DNAH3: variants seen among roughly 807,000 people sequenced by gnomAD.
The protein encoded by DNAH3 is dynein axonemal heavy chain 3.
DNAH3 carries 332 observed loss-of-function variants against 432.5 expected under a neutral mutation model. That is an observed-to-expected ratio of 0.77 (90% CI 0.70 to 0.84). The LOEUF is 0.84. Ranked by LOEUF, DNAH3 falls within the 40% of genes least tolerant of loss-of-function variation. DNAH3 has a pLI of 0.00. For missense variants in DNAH3, 4,861 were observed against 5,114.0 expected (o/e 0.95, Z 1.51); for synonymous variants, 1,956 against 1,900.2 (o/e 1.03, Z -0.76).
exon 21 of DNAH3, chr16:21,075,467 A>G: frequency 6.2e-7 from 1 of 1,613,970 alleles, no homozygotes; most frequent in Non-Finnish European, 8.5e-7. Flanking sequence ...TATTTCACGA[A>G]GCTGAACGTC....
chr16:20,956,340 T>C (rs1486018471), intron 54 of DNAH3, among the ~76,000 whole-genome samples: 2 of 152,198 alleles, frequency 1.3e-5, no homozygotes, highest in Non-Finnish European at 2.9e-5. Context: ...TAGCTAGTAT[T>C]AAACAGTGAC....
chr16:21,129,787 T>A (rs35841973), intron 7 of DNAH3, among the ~76,000 whole-genome samples: 1 of 73,416 alleles, frequency 1.4e-5, no homozygotes, highest in Non-Finnish European at 3.4e-5. Context: ...ATCCCATTAG[T>A]GGACAGGGGT....
intron 57 of DNAH3, among the ~76,000 whole-genome samples, chr16:20,946,120 C>T (rs1166976319): frequency 6.6e-6 from 1 of 152,186 alleles, no homozygotes; most frequent in African/African-American, 2.4e-5. Context: ...AGACATGCCT[C>T]ATTATGCCCC....
At chr16:21,103,358 G>GGGT (rs2152798149) in intron 16 of DNAH3, among the ~76,000 whole-genome samples, 1 of 150,334 alleles carries the variant, frequency 6.7e-6, no homozygotes, top group East Asian at 2.0e-4. Context: ...TGTGTGTGGG[G>GGGT]GGGGGCAGGG....
At chr16:20,998,867 G>A (rs912920015) in intron 43 of DNAH3, among the ~76,000 whole-genome samples, 40 of 151,906 alleles carry the variant, frequency 2.6e-4, no homozygotes, top group African/African-American at 3.9e-4. Flanking sequence ...CATATAATCC[G>A]ATAATAACTT....
intron 41 of DNAH3, among the ~76,000 whole-genome samples, chr16:21,008,590 T>TA (rs2087432594): frequency 6.6e-6 from 1 of 152,102 alleles, no homozygotes; most frequent in African/African-American, 2.4e-5. Flanking sequence ...TTCCCATCCC[T>TA]ACTAAGGTCC....
chr16:21,143,688 G>A (rs566412946), intron 3 of DNAH3, among the ~76,000 whole-genome samples: 1 of 152,248 alleles, frequency 6.6e-6, no homozygotes, highest in South Asian at 2.1e-4. Context: ...GCAGGAACAT[G>A]CAAAAGCAGC....
chr16:20,944,204 A>AAAG (rs202080949), intron 58 of DNAH3, among the ~76,000 whole-genome samples: 844 of 6,424 alleles, frequency 0.13, 9 homozygotes, highest in African/African-American at 0.4. Flanking sequence ...AGCAAAAGAA[A>AAAG]AAAAAAAAGA....
At chr16:21,087,554 T>A (rs1489292339) in intron 18 of DNAH3, among the ~76,000 whole-genome samples, 2 of 152,100 alleles carry the variant, frequency 1.3e-5, no homozygotes, top group East Asian at 1.9e-4. Context: ...AAGAAAAAAA[T>A]TGTTATTATT....
chr16:21,074,827 A>G (rs912265231), intron 21 of DNAH3, among the ~76,000 whole-genome samples: 1 of 152,188 alleles, frequency 6.6e-6, no homozygotes, highest in Non-Finnish European at 1.5e-5. Flanking sequence ...CTCACACCCT[A>G]TCCCAAAAGC....
intron 11 of DNAH3, chr16:21,120,654 A>G: frequency 1.0e-6 from 1 of 963,740 alleles, no homozygotes; most frequent in Non-Finnish European, 1.7e-6. Context: ...AGTCATTGGT[A>G]TTCACATAGG....
intron 44 of DNAH3, among the ~76,000 whole-genome samples, chr16:20,989,483 G>A (rs2086425419): frequency 6.6e-6 from 1 of 152,050 alleles, no homozygotes; most frequent in Non-Finnish European, 1.5e-5. Flanking sequence ...CAAACCTTCA[G>A]CTAAACACAG....
intron 56 of DNAH3, among the ~76,000 whole-genome samples, 174 bp downstream of exon 56, chr16:20,952,259 T>G (rs1346882942): frequency 6.6e-6 from 1 of 152,174 alleles, no homozygotes; most frequent in African/African-American, 2.4e-5. Flanking sequence ...CTTAATTTTT[T>G]TTGTTTGTTT....
chr16:21,155,647 T>C (rs1465644471), intron 1 of DNAH3, among the ~76,000 whole-genome samples: 1 of 149,880 alleles, frequency 6.7e-6, no homozygotes, highest in African/African-American at 2.5e-5. Flanking sequence ...AAAAAAAAGT[T>C]TTAGTATAAG....
chr16:21,063,110 G>A (rs1321429407), intron 24 of DNAH3: 1 of 161,824 alleles, frequency 6.2e-6, no homozygotes, highest in Non-Finnish European at 1.3e-5. Flanking sequence ...TAATAGGACT[G>A]GGGGATGGGT....
intron 7 of DNAH3, chr16:21,129,923 C>G (rs2092523022): frequency 6.6e-6 from 1 of 151,980 alleles, no homozygotes; most frequent in African/African-American, 2.4e-5. Context: ...TACCCATCAC[C>G]TTCTAACATA....
chr16:21,064,670 T>C (rs1050067586), intron 24 of DNAH3, among the ~76,000 whole-genome samples: 1 of 152,310 alleles, frequency 6.6e-6, no homozygotes, highest in Middle Eastern at 3.4e-3. Context: ...CATCATGTGC[T>C]ATAATGAATA....
intron 61 of DNAH3, among the ~76,000 whole-genome samples, chr16:20,934,587 C>G (rs2083521695): frequency 6.6e-6 from 1 of 152,216 alleles, no homozygotes; most frequent in South Asian, 2.1e-4. Flanking sequence ...TATGGGTACT[C>G]AAGGTGTGGT....
chr16:21,130,330 A>C, intron 7 of DNAH3, among the ~76,000 whole-genome samples: 1 of 145,486 alleles, frequency 6.9e-6, no homozygotes, highest in Admixed American at 6.9e-5. Context: ...TTCTTGAGAC[A>C]GGGTCTCACT....
Sources: allele counts gnomAD v4.1 joint callset (sites outside exome capture counted in the v4.1 genomes callset), GRCh38; gene constraint gnomAD v4.1.1; transcripts MANE v1.5; gene names NCBI Gene and HGNC (gene_info 2026-07-23, HGNC 2026-07-21).